The following CCBE1 variants were observed in gnomAD, a reference collection of about 807,000 sequenced individuals.
CCBE1 encodes the protein collagen and calcium-binding EGF domain-containing protein 1.
In CCBE1, 37 loss-of-function variants were observed where a neutral mutation model predicts 50.0. That is an observed-to-expected ratio of 0.74 (90% CI 0.57 to 0.97). The LOEUF is 0.97. CCBE1 is among the 50% of genes least tolerant of loss of function. The probability of loss-of-function intolerance (pLI) is 0.00; values close to 1 mark genes in which losing one functional copy is unlikely to be tolerated. For missense variants in CCBE1, 538 were observed against 523.8 expected (o/e 1.03, Z -0.26); for synonymous variants, 234 against 203.7 (o/e 1.15, Z -1.27).
intron 2 of CCBE1, among the ~76,000 whole-genome samples, chr18:59,505,435 C>T (rs1295432068): frequency 6.6e-6 from 1 of 152,192 alleles, no homozygotes; most frequent in Non-Finnish European, 1.5e-5. Context: ...AGGAAAACCA[C>T]TTAAACATTC....
chr18:59,615,933 C>CT (rs1413583077), intron 2 of CCBE1, among the ~76,000 whole-genome samples: 8 of 152,192 alleles, frequency 5.3e-5, no homozygotes, highest in Non-Finnish European at 1.2e-4. Flanking sequence ...ACCTAGGTTA[C>CT]TTTAAAAAAT....
rs111786909 is a variant in CCBE1 at position 59,579,399 on chromosome 18, T to TAAAA, written c.213-99165_213-99162dup. On this transcript the variant is annotated intron_variant, in intron 2 of 10. Transcript: ENST00000439986. ...ACCACTAGAATCACATGGGGATCTT[T>TAAAA]AAAAAAAAAAAAAAAGATTCCTACG... Among the ~76,000 whole-genome samples the TAAAA allele has an allele frequency of 1.9e-3, 271 of 141,046 alleles. 2 individuals are homozygous for TAAAA. In the East Asian group the frequency reaches 0.028, roughly 14 times the overall value. 92.5% of individuals were successfully genotyped at this position (141,046 alleles called of 152,430 possible). A position where few individuals can be genotyped will look rare whatever the true frequency, so the allele number is the denominator to read the frequency against.
At chr18:59,595,216 GT>G (rs2053334110) in intron 2 of CCBE1, among the ~76,000 whole-genome samples, 1 of 146,994 alleles carries the variant, frequency 6.8e-6, no homozygotes, top group Non-Finnish European at 1.5e-5. Context: ...AGTATCTACT[GT>G]TTTTTGCTTT....
chr18:59,454,138 T>G (rs1037727130), intron 6 of CCBE1, among the ~76,000 whole-genome samples: 32 of 152,298 alleles, frequency 2.1e-4, no homozygotes, highest in African/African-American at 6.3e-4. Context: ...GAGACAATAT[T>G]CTCTATAAAT....
At chr18:59,552,030 C>T (rs907215118) in intron 2 of CCBE1, among the ~76,000 whole-genome samples, 1 of 152,188 alleles carries the variant, frequency 6.6e-6, no homozygotes, top group East Asian at 1.9e-4. Context: ...TCACAGCTGG[C>T]CTGGGGATGG....
At chr18:59,476,308 T>C (rs625217) in intron 3 of CCBE1, among the ~76,000 whole-genome samples, 101,043 of 152,132 alleles carry the variant, frequency 0.66, 34,004 homozygotes, top group East Asian at 0.84. Context: ...TTATGACTGC[T>C]CAGCTACCTG....
intron 2 of CCBE1, among the ~76,000 whole-genome samples, chr18:59,481,421 G>A (rs1322858361): frequency 6.6e-6 from 1 of 152,108 alleles, no homozygotes; most frequent in Non-Finnish European, 1.5e-5. Context: ...AAAAACAGTG[G>A]CTGAAAACCT....
At chr18:59,454,244 T>G (rs1348930786) in intron 6 of CCBE1, among the ~76,000 whole-genome samples, 5 of 152,150 alleles carry the variant, frequency 3.3e-5, no homozygotes, top group Non-Finnish European at 7.4e-5. Flanking sequence ...TCCGATGGCA[T>G]GCCTAGAAAT....
chr18:59,632,912 A>T (rs1440673173), intron 2 of CCBE1, among the ~76,000 whole-genome samples: 7 of 152,106 alleles, frequency 4.6e-5, no homozygotes. Context: ...CCTGGCGAGG[A>T]ACAATCTTCT....
rs193240404 is a variant in CCBE1 at position 59,626,897 on chromosome 18, C to T, written c.212+69732G>A. On this transcript the variant is annotated intron_variant, in intron 2 of 10. Coordinates refer to ENST00000439986, the MANE Select transcript of CCBE1 (RefSeq NM_133459.4). Reference sequence around the variant, plus strand: ...CAGCAGAGCTTGGGTTTGGACTATCCTGGTCCTGAACTTGTGCTCTTAGTC... The same window carrying T: ...CAGCAGAGCTTGGGTTTGGACTATCTTGGTCCTGAACTTGTGCTCTTAGTC... Among the ~76,000 whole-genome samples the T allele has an allele frequency of 4.4e-4, 67 of 152,350 alleles. 2 individuals carry two copies. Among genetic ancestry groups the T allele is most frequent in the African/African-American group, 1.5e-3 (64 of 41,578 alleles).
At chr18:59,676,645 C>G (rs1292807122) in intron 2 of CCBE1, among the ~76,000 whole-genome samples, 1 of 152,116 alleles carries the variant, frequency 6.6e-6, no homozygotes, top group Non-Finnish European at 1.5e-5. Flanking sequence ...AAAAATGAGA[C>G]AGATCAGCCC....
At chr18:59,634,762 A>G (rs1017200226) in intron 2 of CCBE1, among the ~76,000 whole-genome samples, 1 of 152,250 alleles carries the variant, frequency 6.6e-6, no homozygotes, top group Non-Finnish European at 1.5e-5. Context: ...AAAAGAAACA[A>G]TTTCTACATA....
Position 59,514,618 on chromosome 18 carries a change from G to GTT in CCBE1, c.213-34382_213-34381dup, listed in dbSNP as rs5825344. On this transcript the variant is annotated intron_variant, in intron 2 of 10. Coordinates refer to ENST00000439986, the MANE Select transcript of CCBE1 (RefSeq NM_133459.4). ...TTGGGGAATTTAGGCATGCTCTCCT[G>GTT]TTTTTTTTTTTTTCTTTCCTTTCCT... Among the ~76,000 whole-genome samples the GTT allele has an allele frequency of 2.0e-3, 235 of 120,198 alleles. 1 individual carries two copies. The highest frequency in any genetic ancestry group is 4.6e-3 in the Middle Eastern group (1 of 218). The allele number at this position is 120,198 out of a possible 152,430, so 78.9% of individuals were successfully genotyped here. A position where few individuals can be genotyped will look rare whatever the true frequency, so the allele number is the denominator to read the frequency against.
At chr18:59,588,044 G>T (rs2053202984) in intron 2 of CCBE1, among the ~76,000 whole-genome samples, 1 of 152,180 alleles carries the variant, frequency 6.6e-6, no homozygotes, top group Non-Finnish European at 1.5e-5. Flanking sequence ...ACATATGTTG[G>T]TTCTTAAATT....
chr18:59,630,822 G>A (rs150450874), intron 2 of CCBE1, among the ~76,000 whole-genome samples: 52 of 152,286 alleles, frequency 3.4e-4, no homozygotes, highest in African/African-American at 1.2e-3. Flanking sequence ...CCCACAGTGG[G>A]ATTCAGGTGC....
intron 2 of CCBE1, among the ~76,000 whole-genome samples, chr18:59,496,360 G>A (rs1170890696): frequency 6.6e-6 from 1 of 152,196 alleles, no homozygotes; most frequent in East Asian, 1.9e-4. Flanking sequence ...AAGTTGGCAA[G>A]AATTCTCTCC....
rs561847658 is a variant in CCBE1, at chr18:59,488,343, G to A, written c.213-8105C>T. Among the ~76,000 whole-genome samples, 13 of 152,276 alleles carry A rather than the reference G, an allele frequency of 8.5e-5. No homozygotes were observed. The East Asian group carries it at 1.2e-3, about 14-fold the overall frequency. On this transcript the variant is annotated intron_variant, in intron 2 of 10. Coordinates refer to ENST00000439986, the MANE Select transcript of CCBE1 (RefSeq NM_133459.4). ...CCTAAAGTGGTTAAAATGGTAAAAT[G>A]TACAGTTATTTTTGCCACACACACA...
At chr18:59,607,759 T>G (rs116661377) in intron 2 of CCBE1, among the ~76,000 whole-genome samples, 3,325 of 152,258 alleles carry the variant, frequency 0.022, 92 homozygotes, top group African/African-American at 0.068. Context: ...AACCCCAGGT[T>G]CTGGATTTAC....
chr18:59,510,758 AC>A (rs1444460592), intron 2 of CCBE1, among the ~76,000 whole-genome samples: 2 of 152,154 alleles, frequency 1.3e-5, no homozygotes, highest in Non-Finnish European at 2.9e-5. Flanking sequence ...CTTCCTTATC[AC>A]TAAAATTCTT....
Sources: gnomAD v4.1 joint callset for allele counts (sites outside exome capture counted in the v4.1 genomes callset) on GRCh38, gnomAD v4.1.1 for gene constraint, MANE v1.5 for transcripts, NCBI Gene and HGNC (gene_info 2026-07-23, HGNC 2026-07-21) for gene names.